Variants in ITSN2 observed in about 807,000 individuals in gnomAD.
The protein encoded by ITSN2 is intersectin-2.
Under a neutral mutation model 243.7 loss-of-function variants are expected in ITSN2, and 156 were observed. That is an observed-to-expected ratio of 0.64 (90% CI 0.56 to 0.73). The LOEUF is 0.73. ITSN2 is among the 30% of genes least tolerant of loss of function. ITSN2 has a pLI of 0.00. For synonymous variants in ITSN2, 703 were observed against 699.9 expected (o/e 1.00, Z -0.07); for missense variants, 1,801 against 1,996.1 (o/e 0.90, Z 1.86).
At chr2:24,335,266 A>G (rs938398534) in intron 1 of ITSN2, 1 of 154,416 alleles carries the variant, frequency 6.5e-6, no homozygotes, top group Non-Finnish European at 1.4e-5. Context: ...TGGGAAAACT[A>G]AGAAACTTGT....
intron 1 of ITSN2, among the ~76,000 whole-genome samples, chr2:24,342,911 T>C (rs1444262905): frequency 6.6e-6 from 1 of 151,542 alleles, no homozygotes; most frequent in African/African-American, 2.4e-5. Context: ...GGCAACACAG[T>C]GAAACCCCTC....
chr2:24,293,638 C>T (rs779114980), intron 15 of ITSN2, 50 bp downstream of exon 15: 11 of 681,458 alleles, frequency 1.6e-5, no homozygotes, highest in Admixed American at 5.8e-5. Context: ...GTGACTGATA[C>T]AGTCATTCAG....
intron 22 of ITSN2, among the ~76,000 whole-genome samples, chr2:24,260,498 ATCT>A (rs1055915108): frequency 5.9e-5 from 9 of 151,638 alleles, no homozygotes; most frequent in African/African-American, 1.5e-4. Context: ...CAAGTCTCTC[ATCT>A]TCTTATTATA....
intron 1 of ITSN2, among the ~76,000 whole-genome samples, chr2:24,347,504 T>C (rs1379227511): frequency 6.6e-6 from 1 of 152,066 alleles, no homozygotes; most frequent in African/African-American, 2.4e-5. Flanking sequence ...CTGACCAACA[T>C]GGAGAAACCC....
At chr2:24,307,771 T>C (rs1262911522) in intron 8 of ITSN2, among the ~76,000 whole-genome samples, 1 of 152,154 alleles carries the variant, frequency 6.6e-6, no homozygotes, top group Non-Finnish European at 1.5e-5. Context: ...ACAGACTACT[T>C]TTCATTCTCC....
intron 23 of ITSN2, among the ~76,000 whole-genome samples, chr2:24,255,048 C>A (rs572631803): frequency 3.0e-4 from 46 of 152,310 alleles, no homozygotes; most frequent in African/African-American, 1.1e-3. Flanking sequence ...CTACTGGTCA[C>A]AACTGAATGG....
chr2:24,256,189 G>A (rs1333313156), intron 23 of ITSN2, among the ~76,000 whole-genome samples: 2 of 152,114 alleles, frequency 1.3e-5, no homozygotes, highest in South Asian at 2.1e-4. Context: ...GCGCCACTGC[G>A]CTCCAGCCTG....
intron 15 of ITSN2, among the ~76,000 whole-genome samples, chr2:24,289,178 T>C (rs996899302): frequency 6.6e-6 from 1 of 152,234 alleles, no homozygotes; most frequent in Non-Finnish European, 1.5e-5. Flanking sequence ...TCTGATATTG[T>C]GTTGAATCTG....
rs529507970 is a variant in ITSN2, at chr2:24,216,603, A to G, written c.3807-371T>C. On this transcript the variant is annotated intron_variant, in intron 31 of 39. Transcript: ENST00000355123. ...AGACCCTGTCTCTACAAAAATGAAA[A>G]ATTAGCTGGGCATGGTGGTGCACGC... Among the ~76,000 whole-genome samples the G allele has an allele frequency of 3.3e-5, 5 of 152,080 alleles. No homozygotes were observed. The East Asian group carries it at 7.7e-4, about 24-fold the overall frequency.
At chr2:24,248,926 C>T in intron 25 of ITSN2, 44 bp from the exon 26 acceptor site, 1 of 1,567,946 alleles carries the variant, frequency 6.4e-7, no homozygotes, top group South Asian at 1.1e-5. Flanking sequence ...TTCCAACAAT[C>T]CAAATGTAAA....
At chr2:24,213,641 C>T (rs1669704244) in intron 32 of ITSN2, among the ~76,000 whole-genome samples, 1 of 152,184 alleles carries the variant, frequency 6.6e-6, no homozygotes, top group East Asian at 1.9e-4. Context: ...CTATAGCAGG[C>T]CTTTCATGAG....
chr2:24,220,948 G>A lies in ITSN2; in HGVS notation c.3696C>T (p.Val1232=), dbSNP rs369405758. The A allele has an allele frequency of 5.7e-5, 91 of 1,595,096 alleles. No homozygotes were observed. The highest frequency in any genetic ancestry group is 1.7e-4 in the Middle Eastern group (1 of 6,008). The change falls in exon 30 of 40, where the codon GTC becomes GTT. Residue 1232 remains valine, a synonymous_variant. Coordinates refer to ENST00000355123, the MANE Select transcript of ITSN2 (RefSeq NM_006277.3). ...ERYMADLQLV[V]EVFQKRMAES... is the part of the protein sequence containing the mutation. ...TAGCCAGCAGCAGCCTCCTCACCTCGACGACGAGCTGAAGGTCAGCCATGT... is the reference window on the plus strand; with the variant it reads ...TAGCCAGCAGCAGCCTCCTCACCTCAACGACGAGCTGAAGGTCAGCCATGT...
chr2:24,323,054 A>C (rs372031883), intron 2 of ITSN2, among the ~76,000 whole-genome samples: 6 of 152,114 alleles, frequency 3.9e-5, no homozygotes, highest in Non-Finnish European at 5.9e-5. Context: ...TTAAAAAAAA[A>C]AACAACACGG....
At chr2:24,344,505 G>A (rs966558667) in intron 1 of ITSN2, among the ~76,000 whole-genome samples, 2 of 152,014 alleles carry the variant, frequency 1.3e-5, no homozygotes, top group Non-Finnish European at 2.9e-5. Flanking sequence ...TGATCATTAG[G>A]GAACTCAGCA....
At chr2:24,311,397 G>T (rs1013985720) in intron 5 of ITSN2, among the ~76,000 whole-genome samples, 2 of 151,956 alleles carry the variant, frequency 1.3e-5, no homozygotes, top group Non-Finnish European at 2.9e-5. Flanking sequence ...TTGAGATGGG[G>T]GTCTCACTAT....
chr2:24,284,189 G>A (rs1679178559), intron 17 of ITSN2, among the ~76,000 whole-genome samples: 1 of 152,050 alleles, frequency 6.6e-6, no homozygotes, highest in African/African-American at 2.4e-5. Context: ...GTTATACATG[G>A]CAAAGAGAAA....
At chr2:24,336,818 C>T (rs533170575) in intron 1 of ITSN2, among the ~76,000 whole-genome samples, 2 of 152,240 alleles carry the variant, frequency 1.3e-5, no homozygotes, top group African/African-American at 2.4e-5. Context: ...CCTCCATATG[C>T]CTGGTTTCTA....
At chr2:24,227,133 A>C (rs780925336) in intron 29 of ITSN2, among the ~76,000 whole-genome samples, 20 of 152,020 alleles carry the variant, frequency 1.3e-4, no homozygotes, top group Non-Finnish European at 2.2e-4. Context: ...GAAAAAGAAA[A>C]ACAAAAAACA....
At chr2:24,300,993 T>C (rs1681648947) in intron 11 of ITSN2, among the ~76,000 whole-genome samples, 161 bp downstream of exon 11, 1 of 152,228 alleles carries the variant, frequency 6.6e-6, no homozygotes, top group Non-Finnish European at 1.5e-5. Flanking sequence ...TTGACCATCT[T>C]AATTTTATCA....
Sources: allele counts gnomAD v4.1 joint callset (sites outside exome capture counted in the v4.1 genomes callset), GRCh38; gene constraint gnomAD v4.1.1; transcripts MANE v1.5; gene names NCBI Gene and HGNC (gene_info 2026-07-23, HGNC 2026-07-21).